The following MOK variants were observed in gnomAD, a reference collection of about 807,000 sequenced individuals.
MOK encodes the protein MAPK/MAK/MRK overlapping kinase.
In MOK, 59 loss-of-function variants were observed where a neutral mutation model predicts 54.2. The ratio of observed to expected loss-of-function variants is 1.09; its 90% confidence interval spans 0.88 to 1.35. The LOEUF is 1.35. MOK is among the 40% of genes most tolerant of loss of function. The pLI is 0.00. For synonymous variants in MOK, 210 were observed against 202.7 expected (o/e 1.04, Z -0.31); for missense variants, 517 against 526.2 (o/e 0.98, Z 0.17).
At chr14:102,275,641 C>T (rs950833004) in intron 2 of MOK, among the ~76,000 whole-genome samples, 2 of 148,738 alleles carry the variant, frequency 1.3e-5, no homozygotes, top group African/African-American at 5.0e-5. Flanking sequence ...GGAGAAAATA[C>T]AGGAGAATAC....
At chr14:102,304,903 T>TCCCCCCC in intron 1 of MOK, 59 bp downstream of exon 1, 1 of 1,390,722 alleles carries the variant, frequency 7.2e-7, no homozygotes. Flanking sequence ...GCTCCCCCAG[T>TCCCCCCC]CCCTCCCTCC....
At chr14:102,265,665 A>G (rs1186859367) in intron 3 of MOK, among the ~76,000 whole-genome samples, 158 bp downstream of exon 3, 1 of 152,138 alleles carries the variant, frequency 6.6e-6, no homozygotes, top group Non-Finnish European at 1.5e-5. Context: ...AATCAGATGC[A>G]CATTTTTCCA....
chr14:102,255,102 G>A (rs61992534), intron 4 of MOK, among the ~76,000 whole-genome samples: 14,467 of 152,196 alleles, frequency 0.095, 881 homozygotes, highest in Non-Finnish European at 0.15. Flanking sequence ...GGCGGATCAC[G>A]AGGTCCGGAG....
intron 7 of MOK, among the ~76,000 whole-genome samples, chr14:102,237,335 C>G (rs567802070): frequency 6.0e-4 from 91 of 152,308 alleles, no homozygotes; most frequent in Non-Finnish European, 1.2e-3. Flanking sequence ...AGAGTCTCCC[C>G]CTCCGAAGCT....
intron 1 of MOK, among the ~76,000 whole-genome samples, chr14:102,286,298 C>CAAAAAA (rs60479729): frequency 7.8e-5 from 2 of 25,582 alleles, no homozygotes; most frequent in African/African-American, 2.5e-4. Flanking sequence ...GACTCCGTCT[C>CAAAAAA]AAAAAAAAAA....
At chr14:102,223,513 G>A (rs1172486921), downstream of MOK, 2 of 152,380 alleles carry the variant, frequency 1.3e-5, no homozygotes, top group Admixed American at 6.6e-5. Flanking sequence ...TTTATTTTAC[G>A]TAAAATAAAC....
Position 102,288,735 on chromosome 14 carries a change from G to C in MOK, c.8-5143C>G, listed in dbSNP as rs77471118. 5.7e-3 allele frequency among the ~76,000 whole-genome samples: 862 copies of C among 152,296 alleles called. 18 individuals carry two copies. The highest frequency in any genetic ancestry group is 0.035 in the East Asian group (179 of 5,184). On this transcript the variant is annotated intron_variant, in intron 1 of 11. Transcript: ENST00000361847. ...TAACTCCATTAAAACAGACAACTCT[G>C]TGGTGTTGGAAATCAGAAAGTGGTT...
intron 1 of MOK, among the ~76,000 whole-genome samples, chr14:102,291,055 T>C (rs1271279728): frequency 6.6e-6 from 1 of 152,198 alleles, no homozygotes; most frequent in African/African-American, 2.4e-5. Flanking sequence ...TTCAGAACTA[T>C]TCTGCTAGCT....
At position 102,240,599 on chromosome 14, in the gene MOK, G is replaced by C. The variant is rs919283101; in HGVS notation, c.591-6810C>G. 1 of 148,558 alleles carries C rather than the reference G, an allele frequency of 6.7e-6. No homozygotes were observed. The highest frequency in any genetic ancestry group is 2.6e-5 in the African/African-American group (1 of 38,394). 9.2% of individuals were successfully genotyped at this position (148,558 alleles called of 1,614,324 possible). On this transcript the variant is annotated intron_variant, in intron 7 of 11. Coordinates refer to ENST00000361847, the MANE Select transcript of MOK (RefSeq NM_014226.3). The surrounding 1 kb of genome is among the most constrained non-coding windows in gnomAD (Gnocchi z 5.4). ...TTTTATCTGTGGACTCAAAACTCCAGCACCAGTCACAGACTCAGGAATAGT... is the reference window on the plus strand; with the variant it reads ...TTTTATCTGTGGACTCAAAACTCCACCACCAGTCACAGACTCAGGAATAGT...
At position 102,229,545 on chromosome 14, in the gene MOK, C is replaced by A. The variant is rs1567125396; in HGVS notation, c.1094G>T (p.Ser365Ile). 1.1e-5 allele frequency: 18 copies of A among 1,614,200 alleles called. No individual in the cohort carries two copies. Among genetic ancestry groups the A allele is most frequent in the Non-Finnish European group, 1.4e-5 (17 of 1,180,038 alleles). Reference protein sequence around the residue: ...SGVVRLSSYSSPTLQSVLGSG... With the variant: ...SGVVRLSSYSIPTLQSVLGSG... ...TCCAAGCACGGACTGCAGCGTGGGG[C>A]TGGAGTAAGACGACAGTCTGACCAC... Residue 365 changes from serine (S) to isoleucine (I), a missense_variant, in exon 11 of 12, where the codon AGC (serine) becomes ATC (isoleucine). By Grantham distance (142) the Ser-to-Ile change is moderately radical (BLOSUM62 -2). Coordinates refer to ENST00000361847, the MANE Select transcript of MOK (RefSeq NM_014226.3).
intron 2 of MOK, among the ~76,000 whole-genome samples, chr14:102,269,187 G>A (rs950327651): frequency 1.9e-4 from 29 of 151,394 alleles, no homozygotes; most frequent in Admixed American, 1.8e-3. Context: ...TCAAATAAGA[G>A]AATTTTTTTT....
intron 4 of MOK, among the ~76,000 whole-genome samples, chr14:102,261,470 C>CT (rs1443155980): frequency 9.5e-6 from 1 of 105,334 alleles, no homozygotes; most frequent in African/African-American, 3.6e-5. Context: ...CTAAACAAAG[C>CT]TTTCTCAAGC....
chr14:102,284,672 G>A (rs1260730498), intron 1 of MOK, among the ~76,000 whole-genome samples: 2 of 152,172 alleles, frequency 1.3e-5, no homozygotes, highest in Non-Finnish European at 2.9e-5. Flanking sequence ...CATCTTTGCG[G>A]CAGAGATCAC....
the MOK span, among the ~76,000 whole-genome samples, chr14:102,218,844 C>A: frequency 2.0e-5 from 3 of 152,382 alleles, no homozygotes; most frequent in African/African-American, 7.2e-5. Flanking sequence ...GAATTGCCAG[C>A]TGTCCTGCTT....
chr14:102,298,717 C>T (rs1021086988), intron 1 of MOK, among the ~76,000 whole-genome samples: 2 of 152,158 alleles, frequency 1.3e-5, no homozygotes, highest in Non-Finnish European at 2.9e-5. Flanking sequence ...GCAACATGCT[C>T]CAGTCCCCTT....
At chr14:102,228,656 G>A (rs929384979), downstream of MOK, among the ~76,000 whole-genome samples, 24 of 136,140 alleles carry the variant, frequency 1.8e-4, no homozygotes, top group Non-Finnish European at 3.0e-5. Context: ...CCAAGATTGC[G>A]CCATTGCACT....
chr14:102,226,346 G>A (rs1256669847), downstream of MOK: 1 of 703,144 alleles, frequency 1.4e-6, no homozygotes, highest in Non-Finnish European at 2.6e-6. This position sits in a 1 kb window ranked among gnomAD's most constrained non-coding sequence, Gnocchi z 4.8. Context: ...AGGGTTGAGG[G>A]ATGAACGTGT....
rs1347236839 is a variant in MOK, at chr14:102,236,473, C to T, written c.591-2684G>A. ...TTGATACTGTTTTCCCACACTCTTT[C>T]CTTATCATGCCTCGTTGCCCTACCC... On this transcript the variant is annotated intron_variant, in intron 7 of 11. Transcript: ENST00000361847. This position sits in a 1 kb window ranked among gnomAD's most constrained non-coding sequence, Gnocchi z 4.5. Among the ~76,000 whole-genome samples, 1 of 152,198 alleles carries T rather than the reference C, an allele frequency of 6.6e-6. No homozygotes were observed. The highest frequency in any genetic ancestry group is 1.9e-4 in the East Asian group (1 of 5,202).
intron 4 of MOK, among the ~76,000 whole-genome samples, chr14:102,254,007 C>T (rs1483277094): frequency 3.4e-5 from 5 of 148,962 alleles, no homozygotes; most frequent in African/African-American, 1.0e-4. Context: ...TTTTTTGGGA[C>T]GAAGTGTAGC....
Sources: gnomAD v4.1 joint callset for allele counts (sites outside exome capture counted in the v4.1 genomes callset) on GRCh38, gnomAD v4.1.1 for gene constraint, Gnocchi (gnomAD v3.1) non-coding constraint, MANE v1.5 for transcripts, NCBI Gene and HGNC (gene_info 2026-07-23, HGNC 2026-07-21) for gene names.